Variants in CD80 observed in about 807,000 individuals in gnomAD.
CD80 encodes the protein T-lymphocyte activation antigen CD80.
A neutral mutation model predicts 27.1 loss-of-function variants in CD80; 13 were observed. The ratio of observed to expected loss-of-function variants is 0.48; its 90% CI spans 0.31 to 0.76. CD80 has a LOEUF of 0.76. Among genes scored for constraint, CD80 ranks in the 30% least tolerant of loss-of-function variants. The probability of loss-of-function intolerance (pLI) is 0.04; values close to 1 mark genes in which losing one functional copy is unlikely to be tolerated. For missense variants in CD80, 277 were observed against 347.9 expected (o/e 0.80, Z 1.62); for synonymous variants, 125 against 125.5 (o/e 1.00, Z 0.03).
chr3:119,533,640 T>G lies in CD80; in HGVS notation c.700+3497A>C, dbSNP rs2082121310. Reference sequence around the variant, plus strand: ...GGAGTTTCCTTATAACAAGCTCTCTTTTTGGCTGCTGCCATCCACATAAGA... The same window carrying G: ...GGAGTTTCCTTATAACAAGCTCTCTGTTTGGCTGCTGCCATCCACATAAGA... On this transcript the variant is annotated intron_variant, in intron 4 of 6. Coordinates refer to ENST00000264246, the MANE Select transcript of CD80 (RefSeq NM_005191.4). Among the ~76,000 whole-genome samples the G allele has an allele frequency of 2.6e-5, 4 of 152,298 alleles. 1 individual carries two copies. Among genetic ancestry groups the G allele is most frequent in the Admixed American group, 2.6e-4 (4 of 15,302 alleles).
At chr3:119,531,343 TC>T (rs2082110067) in intron 4 of CD80, among the ~76,000 whole-genome samples, 1 of 152,238 alleles carries the variant, frequency 6.6e-6, no homozygotes, top group South Asian at 2.1e-4. Context: ...CATTTGGATT[TC>T]TTGTAGGCCT....
At chr3:119,543,689 C>T (rs1025855319) in intron 3 of CD80, among the ~76,000 whole-genome samples, 1 of 152,138 alleles carries the variant, frequency 6.6e-6, no homozygotes. Flanking sequence ...ATCCACCCAC[C>T]TTGGCCTCCC....
In CD80 at chr3:119,556,419, A is replaced by G. The variant is rs557695256; in HGVS notation, c.100+1210T>C. Among the ~76,000 whole-genome samples the G allele has an allele frequency of 2.2e-4, 33 of 148,100 alleles. No homozygotes were observed. The South Asian group carries it at 6.4e-3, about 29-fold the overall frequency. On this transcript the variant is annotated intron_variant, in intron 2 of 6. Transcript: ENST00000264246. Reference sequence around the variant, plus strand: ...ACAAATTTCCTTCTATATATTTTAAACTCCTCTGTACTCCCCAGAAGACTA... The same window carrying G: ...ACAAATTTCCTTCTATATATTTTAAGCTCCTCTGTACTCCCCAGAAGACTA...
At chr3:119,533,519 A>C (rs1239905084) in intron 4 of CD80, among the ~76,000 whole-genome samples, 1 of 152,096 alleles carries the variant, frequency 6.6e-6, no homozygotes, top group Admixed American at 6.5e-5. Context: ...CATGGGAGGA[A>C]CCCAGTGGGA....
At position 119,537,166 on chromosome 3, in the gene CD80, C is replaced by T. The variant is rs147020828; in HGVS notation, c.671G>A (p.Arg224Lys). The T allele has an allele frequency of 3.2e-5, 51 of 1,614,004 alleles. 2 individuals carry two copies. The South Asian group carries it at 5.1e-4, about 16-fold the overall frequency. The part of the protein sequence containing the change: ...FMCLIKYGHL[R>K]VNQTFNWNTT... ...ATTCCAGTTGAAGGTCTGATTCACTCTTAAATGTCCATACTTGATGAGACA... is the reference window on the plus strand; with the variant it reads ...ATTCCAGTTGAAGGTCTGATTCACTTTTAAATGTCCATACTTGATGAGACA... Residue 224 changes from arginine (R) to lysine (K), a missense_variant, in exon 4 of 7, where the codon AGA becomes AAA. Coordinates refer to ENST00000264246, the MANE Select transcript of CD80 (RefSeq NM_005191.4).
At chr3:119,533,947 TC>T in intron 4 of CD80, among the ~76,000 whole-genome samples, 1 of 152,290 alleles carries the variant, frequency 6.6e-6, no homozygotes, top group Non-Finnish European at 1.5e-5. Context: ...TTCTAAAGAA[TC>T]CCCACACAGT....
chr3:119,524,509 A>G lies in CD80; in HGVS notation c.*1279T>C, dbSNP rs1322936016. 4 of 152,246 alleles carry G rather than the reference A, an allele frequency of 2.6e-5. No individual in the cohort carries two copies. The highest frequency in any genetic ancestry group is 4.8e-5 in the African/African-American group (2 of 41,478). 9.4% of individuals were successfully genotyped at this position (152,246 alleles called of 1,614,324 possible). On this transcript the variant is annotated 3_prime_UTR_variant, in exon 7 of 7. Coordinates refer to ENST00000264246, the MANE Select transcript of CD80 (RefSeq NM_005191.4). The stretch of plus-strand genomic sequence containing the variant: ...GACCTCTCTGCCCTACACTGAGAAT[A>G]TAGTTTTACACAGGAGCAAGGTTTG...
At position 119,544,582 on chromosome 3, in the gene CD80, TC is replaced by T; in HGVS notation, c.385del (p.Glu129AsnfsTer6). The T allele has an allele frequency of 6.2e-7, 1 of 1,614,142 alleles. No individual in the cohort carries two copies. Among genetic ancestry groups the T allele is most frequent in the Admixed American group, 1.7e-5 (1 of 60,014 alleles). ...LKYEKDAFKR[E>X]HLAEVTLSVK... The stretch of plus-strand genomic sequence containing the variant: ...TGATAACGTCACTTCAGCCAGGTGT[TC>T]CCGCTTGAAAGCGTCTTTTTCATAC... On this transcript the variant is annotated frameshift_variant, in exon 3 of 7. Transcript: ENST00000264246. LOFTEE classifies it high-confidence loss of function.
Position 119,557,722 on chromosome 3 carries a change from G to C in CD80, c.7C>G (p.His3Asp), listed in dbSNP as rs1664503554. ...GGTGATGTTCCCTGCCTCCGTGTGT[G>C]GCCCATGGCTTCAGATGCTTAGGGT... MG[H>D]TRRQGTSPSK... Residue 3 changes from histidine (H) to aspartate (D), a missense_variant, in exon 2 of 7, where the codon CAC becomes GAC. Transcript: ENST00000264246. The C allele has an allele frequency of 1.2e-6, 2 of 1,611,124 alleles. No individual in the cohort carries two copies. The highest frequency in any genetic ancestry group is 1.3e-5 in the African/African-American group (1 of 74,820).
intron 3 of CD80, among the ~76,000 whole-genome samples, chr3:119,543,461 AC>A (rs1344730632): frequency 7.1e-6 from 1 of 140,252 alleles, no homozygotes; most frequent in Non-Finnish European, 1.6e-5. Flanking sequence ...TCTGTAGTCT[AC>A]TTTTTTTTTT....
At chr3:119,547,629 A>T (rs1321221454) in intron 2 of CD80, among the ~76,000 whole-genome samples, 3 of 152,200 alleles carry the variant, frequency 2.0e-5, no homozygotes, top group African/African-American at 7.2e-5. Context: ...ATTTGTGTGT[A>T]TATTTTTTTG....
At chr3:119,548,412 C>G (rs968631112) in intron 2 of CD80, among the ~76,000 whole-genome samples, 3 of 152,124 alleles carry the variant, frequency 2.0e-5, no homozygotes, top group African/African-American at 7.2e-5. Context: ...GTCCACTGGT[C>G]CCCTGAGAAG....
intron 2 of CD80, among the ~76,000 whole-genome samples, chr3:119,551,183 G>A (rs1013216839): frequency 6.6e-6 from 1 of 152,214 alleles, no homozygotes; most frequent in Non-Finnish European, 1.5e-5. Context: ...TAGGCATGAG[G>A]AAATGAGGTC....
intron 2 of CD80, among the ~76,000 whole-genome samples, chr3:119,548,139 C>T (rs2082211445): frequency 6.6e-6 from 1 of 152,126 alleles, no homozygotes; most frequent in Admixed American, 6.5e-5. Flanking sequence ...CGCCATCATG[C>T]CCAGCTAATT....
intron 2 of CD80, among the ~76,000 whole-genome samples, chr3:119,554,782 C>T (rs2107748432): frequency 6.6e-6 from 1 of 152,316 alleles, no homozygotes; most frequent in East Asian, 1.9e-4. Context: ...TCCCGTTGAG[C>T]AGTCCTCACT....
intron 4 of CD80, among the ~76,000 whole-genome samples, chr3:119,531,648 G>A (rs2082111839): frequency 1.2e-5 from 1 of 84,934 alleles, no homozygotes; most frequent in Non-Finnish European, 2.8e-5. Context: ...CCAGTGGTAA[G>A]TTTTATTTAT....
At chr3:119,553,443 T>C (rs534695190) in intron 2 of CD80, among the ~76,000 whole-genome samples, 30 of 152,292 alleles carry the variant, frequency 2.0e-4, no homozygotes, top group African/African-American at 6.5e-4. Flanking sequence ...CCTGGCTGAA[T>C]TGTATACTTT....
At chr3:119,550,920 G>A (rs1370951924) in intron 2 of CD80, among the ~76,000 whole-genome samples, 1 of 152,142 alleles carries the variant, frequency 6.6e-6, no homozygotes, top group Non-Finnish European at 1.5e-5. Context: ...TCCTTGAACA[G>A]CGCCATCCTC....
intron 4 of CD80, among the ~76,000 whole-genome samples, chr3:119,536,876 T>C (rs1314526937): frequency 1.3e-5 from 2 of 152,230 alleles, no homozygotes; most frequent in Admixed American, 6.5e-5. Context: ...CAAATACTTA[T>C]TGTGTTACAA....
Sources: allele counts gnomAD v4.1 joint callset (sites outside exome capture counted in the v4.1 genomes callset), GRCh38; gene constraint gnomAD v4.1.1; transcripts MANE v1.5; gene names NCBI Gene and HGNC (gene_info 2026-07-23, HGNC 2026-07-21).